NOVA2: variants seen among roughly 807,000 people sequenced by gnomAD.
NOVA2 encodes the protein NOVA alternative splicing regulator 2.
Under a neutral mutation model 22.5 loss-of-function variants are expected in NOVA2, and 9 were observed. The observed-to-expected ratio is 0.40, with a 90% CI of 0.24 to 0.70. NOVA2 has a LOEUF of 0.70. Among genes scored for constraint, NOVA2 ranks in the 30% least tolerant of loss-of-function variants. NOVA2 has a pLI of 0.38. For missense variants in NOVA2, 383 were observed against 682.8 expected (o/e 0.56, Z 4.89); for synonymous variants, 318 against 335.2 (o/e 0.95, Z 0.56).
chr19:45,952,577 A>G (rs1967619080), intron 3 of NOVA2, among the ~76,000 whole-genome samples: 1 of 152,230 alleles, frequency 6.6e-6, no homozygotes, highest in African/African-American at 2.4e-5. Context: ...TTTTCCTTGC[A>G]ACATTCACAA....
intron 3 of NOVA2, among the ~76,000 whole-genome samples, chr19:45,946,938 G>A (rs1203921520): frequency 6.6e-6 from 1 of 151,166 alleles, no homozygotes; most frequent in Non-Finnish European, 1.5e-5. Flanking sequence ...ACACATGCAT[G>A]CACATGTGTT....
chr19:45,973,354 G>A lies in NOVA2; in HGVS notation c.-3C>T, dbSNP rs773774787. 4 of 1,068,332 alleles carry A rather than the reference G, an allele frequency of 3.7e-6. No homozygotes were observed. The highest frequency in any genetic ancestry group is 4.8e-6 in the Non-Finnish European group (4 of 836,180). The allele number at this position is 1,068,332 out of a possible 1,614,324, so 66.2% of individuals were successfully genotyped here. ...GAATCCGGGGCCTCGGGCTCCATGG[G>A]GGGGGCCTGGGGCGGCGGCTGCTGC... On this transcript the variant is annotated 5_prime_UTR_variant, in exon 1 of 4. Transcript: ENST00000263257.
chr19:45,960,545 A>G (rs563479716), intron 2 of NOVA2, among the ~76,000 whole-genome samples: 19 of 151,752 alleles, frequency 1.3e-4, no homozygotes, highest in Admixed American at 8.5e-4. Flanking sequence ...CAGAAACAGA[A>G]TGAGAGGGAG....
chr19:45,966,600 G>A (rs944608160), intron 1 of NOVA2, among the ~76,000 whole-genome samples: 4 of 152,126 alleles, frequency 2.6e-5, no homozygotes, highest in East Asian at 3.9e-4. Context: ...AAATTAGGCC[G>A]GGTGTGGTGG....
chr19:45,949,911 T>C (rs1019366846), intron 3 of NOVA2, among the ~76,000 whole-genome samples: 7 of 151,992 alleles, frequency 4.6e-5, no homozygotes, highest in Admixed American at 1.3e-4. Flanking sequence ...TGGCTGATTT[T>C]TGTATTTTTA....
chr19:45,947,635 G>A (rs768998492), intron 3 of NOVA2, among the ~76,000 whole-genome samples: 2 of 151,846 alleles, frequency 1.3e-5, no homozygotes, highest in African/African-American at 4.8e-5. Context: ...CACCACGCCC[G>A]GCTAATTTTT....
At chr19:45,973,194 G>A (rs1968256762) in intron 1 of NOVA2, 73 bp downstream of exon 1, 5 of 750,170 alleles carry the variant, frequency 6.7e-6, no homozygotes, top group Admixed American at 7.3e-5. Context: ...CCTGCCACGG[G>A]AGGGGGGGAA....
rs1968259549 is a variant in NOVA2 at position 45,973,355 on chromosome 19, G to A, written c.-4C>T. On this transcript the variant is annotated 5_prime_UTR_variant, in exon 1 of 4. Coordinates refer to ENST00000263257, the MANE Select transcript of NOVA2 (RefSeq NM_002516.4). ...AATCCGGGGCCTCGGGCTCCATGGG[G>A]GGGGCCTGGGGCGGCGGCTGCTGCT... 7 of 1,072,374 alleles carry A rather than the reference G, an allele frequency of 6.5e-6. No homozygotes were observed. The highest frequency in any genetic ancestry group is 7.1e-6 in the Non-Finnish European group (6 of 840,130). The allele number at this position is 1,072,374 out of a possible 1,614,324, so 66.4% of individuals were successfully genotyped here.
In NOVA2 at chr19:45,958,463, C is replaced by CGT. The variant is rs200749184; in HGVS notation, c.229+2545_229+2546dup. 3.4e-3 allele frequency among the ~76,000 whole-genome samples: 497 copies of CGT among 147,596 alleles called. 1 individual carries two copies. The highest frequency in any genetic ancestry group is 0.011 in the African/African-American group (456 of 39,726). Reference sequence around the variant, plus strand: ...GCACGTGTGACAATGTGTGTGTAAGCGTGTGTGTGAGTGGGATGTGTGTGA... The same window carrying CGT: ...GCACGTGTGACAATGTGTGTGTAAGCGTGTGTGTGTGAGTGGGATGTGTGTGA... On this transcript the variant is annotated intron_variant, in intron 2 of 3. Transcript: ENST00000263257.
chr19:45,944,555 G>T (rs540740688), intron 3 of NOVA2, among the ~76,000 whole-genome samples: 1 of 152,098 alleles, frequency 6.6e-6, no homozygotes, highest in East Asian at 1.9e-4. Flanking sequence ...AAAAAGTCTC[G>T]TGGGATAAAT....
intron 1 of NOVA2, among the ~76,000 whole-genome samples, chr19:45,964,160 T>C (rs1238228116): frequency 6.9e-6 from 1 of 145,628 alleles, no homozygotes; most frequent in Non-Finnish European, 1.5e-5. Context: ...GCCTATTTTC[T>C]TTTTTTCTTT....
intron 3 of NOVA2, among the ~76,000 whole-genome samples, chr19:45,945,187 G>A (rs1183128888): frequency 3.3e-5 from 5 of 151,764 alleles, no homozygotes; most frequent in East Asian, 1.9e-4. Flanking sequence ...TGCACCTGTC[G>A]TCTCAGCTAC....
chr19:45,971,584 A>AG (rs1295823076), intron 1 of NOVA2, among the ~76,000 whole-genome samples: 2 of 151,522 alleles, frequency 1.3e-5, no homozygotes, highest in East Asian at 3.9e-4. Flanking sequence ...GAGGTGGGGG[A>AG]GGGCTAGGAT....
At chr19:45,965,917 T>C (rs531636323) in intron 1 of NOVA2, among the ~76,000 whole-genome samples, 5 of 152,326 alleles carry the variant, frequency 3.3e-5, no homozygotes, top group East Asian at 1.9e-4. Context: ...CCCAGGCACA[T>C]AGAAGATTTG....
intron 1 of NOVA2, among the ~76,000 whole-genome samples, chr19:45,963,563 G>C (rs1322922153): frequency 1.4e-5 from 2 of 147,928 alleles, no homozygotes; most frequent in African/African-American, 2.5e-5. Flanking sequence ...ACAGAGTCTC[G>C]CTCTGTCGCC....
At chr19:45,970,351 T>A (rs1968217192) in intron 1 of NOVA2, among the ~76,000 whole-genome samples, 1 of 150,322 alleles carries the variant, frequency 6.7e-6, no homozygotes, top group Non-Finnish European at 1.5e-5. Context: ...AGGTAGCTAT[T>A]GTTAGTATTA....
chr19:45,961,514 C>CA (rs889589485), intron 1 of NOVA2, among the ~76,000 whole-genome samples: 5 of 142,386 alleles, frequency 3.5e-5, no homozygotes, highest in Non-Finnish European at 7.7e-5. Flanking sequence ...CCTGATGACA[C>CA]AAAAAAGGCA....
At chr19:45,961,287 A>T (rs1391734953) in intron 1 of NOVA2, 134 bp from the exon 2 acceptor site, 1 of 612,366 alleles carries the variant, frequency 1.6e-6, no homozygotes, top group Non-Finnish European at 2.8e-6. Context: ...TCATTCACTC[A>T]TTCATTCAAC....
intron 2 of NOVA2, among the ~76,000 whole-genome samples, chr19:45,956,484 C>G (rs1050415800): frequency 6.7e-6 from 1 of 149,794 alleles, no homozygotes; most frequent in African/African-American, 2.5e-5. Context: ...TTTTTTTTTT[C>G]CCTGAGACAA....
Sources: gnomAD v4.1 joint callset for allele counts (sites outside exome capture counted in the v4.1 genomes callset) on GRCh38, gnomAD v4.1.1 for gene constraint, MANE v1.5 for transcripts, NCBI Gene and HGNC (gene_info 2026-07-23, HGNC 2026-07-21) for gene names.